GALNT17: variants seen among roughly 807,000 people sequenced by gnomAD.
GALNT17 encodes the protein UDP-GalNAc:polypeptide N-acetylgalactosaminyltransferase-like 3.
GALNT17 carries 29 observed loss-of-function variants against 63.7 expected under a neutral mutation model. That is an observed-to-expected ratio of 0.46 (90% CI 0.34 to 0.62). The LOEUF is 0.62. Among genes scored for constraint, GALNT17 ranks in the 20% least tolerant of loss-of-function variants. GALNT17 has a pLI of 0.01. For synonymous variants in GALNT17, 305 were observed against 318.3 expected, an observed-to-expected ratio of 0.96 and a Z score of 0.45; for missense variants, 603 against 799.6, an observed-to-expected ratio of 0.75 and a Z score of 2.97.
chr7:71,183,570 A>G (rs1796084), intron 1 of GALNT17, among the ~76,000 whole-genome samples: 44 of 151,898 alleles, frequency 2.9e-4, no homozygotes, highest in Non-Finnish European at 6.0e-4. Flanking sequence ...AGAATTCCCC[A>G]TGGAGATCCC....
chr7:71,442,327 G>C (rs1787082622), intron 5 of GALNT17, among the ~76,000 whole-genome samples: 1 of 152,110 alleles, frequency 6.6e-6, no homozygotes, highest in East Asian at 1.9e-4. Flanking sequence ...CTCCTGAGTA[G>C]CTGGGACTAC....
chr7:71,573,775 C>A (rs1285745311), intron 6 of GALNT17, among the ~76,000 whole-genome samples: 2 of 152,076 alleles, frequency 1.3e-5, no homozygotes, highest in Admixed American at 1.3e-4. Flanking sequence ...CAGATTATTA[C>A]CCAGGTAGTA....
rs1210917421 is a variant in GALNT17 at position 71,388,363 on chromosome 7, T to C, written c.551T>C (p.Leu184Pro). ...SAVNHTPTHLLKEIILVDDNS... is the reference protein window; with the variant it reads ...SAVNHTPTHLPKEIILVDDNS... ...GTCAATCACACGCCCACACACCTGC[T>C]GAAGGAAATCATTCTGGTGGATGAC... The change falls in exon 3 of 11, where the codon CTG (leucine) becomes CCG (proline). Residue 184 changes from leucine to proline, a missense_variant. Leu to Pro is a moderately conservative substitution (Grantham distance 98). Around this residue, in one of 3 missense-constraint regions of GALNT17, gnomAD observed 336 missense variants for 507.8 expected, o/e 0.66. Coordinates refer to ENST00000333538, the MANE Select transcript of GALNT17 (RefSeq NM_022479.3). 6.2e-7 allele frequency: 1 copy of C among 1,613,982 alleles called. No individual in the cohort carries two copies. The highest frequency in any genetic ancestry group is 8.5e-7 in the Non-Finnish European group (1 of 1,179,980).
At chr7:71,584,150 A>C (rs1789681116) in intron 6 of GALNT17, among the ~76,000 whole-genome samples, 1 of 152,062 alleles carries the variant, frequency 6.6e-6, no homozygotes, top group Non-Finnish European at 1.5e-5. Context: ...CAAACAAAAA[A>C]GGGCCTCCTT....
In GALNT17 at chr7:71,433,810, A is replaced by G. The variant is rs189473986; in HGVS notation, c.962+12705A>G. On this transcript the variant is annotated intron_variant, in intron 5 of 10. Coordinates refer to ENST00000333538, the MANE Select transcript of GALNT17 (RefSeq NM_022479.3). ...TCAACTTGATTGGATTGAAGGATAC[A>G]AAGTATTGTTTCTGCATGTATTTAT... 4.5e-4 allele frequency among the ~76,000 whole-genome samples: 69 copies of G among 152,320 alleles called. 5 individuals carry two copies. The highest frequency in any genetic ancestry group is 6.8e-3 in the Middle Eastern group (2 of 294).
chr7:71,569,756 A>AT lies in GALNT17; in HGVS notation c.963-1520dup, dbSNP rs35496954. Among the ~76,000 whole-genome samples, 116 of 150,854 alleles carry AT rather than the reference A, an allele frequency of 7.7e-4. 1 individual carries two copies. The highest frequency in any genetic ancestry group is 2.4e-3 in the African/African-American group (100 of 41,070). Reference sequence around the variant, plus strand: ...GTATTCCATGGTGTATATGCACCACATTTTTTTTTAATCCAGTCTACAATT... The same window carrying AT: ...GTATTCCATGGTGTATATGCACCACATTTTTTTTTTAATCCAGTCTACAATT... On this transcript the variant is annotated intron_variant, in intron 5 of 10. Transcript: ENST00000333538.
intron 6 of GALNT17, among the ~76,000 whole-genome samples, chr7:71,593,343 A>G (rs1023975265): frequency 2.3e-5 from 3 of 133,120 alleles, no homozygotes; most frequent in African/African-American, 9.0e-5. Context: ...TCGGCTCATT[A>G]CATCCTCCGC....
intron 1 of GALNT17, among the ~76,000 whole-genome samples, chr7:71,154,725 C>T (rs533769354): frequency 3.9e-5 from 6 of 152,110 alleles, no homozygotes; most frequent in African/African-American, 7.2e-5. Context: ...TACAGGCGCC[C>T]GCCACCATGC....
intron 5 of GALNT17, among the ~76,000 whole-genome samples, chr7:71,449,956 C>T (rs1787228705): frequency 6.6e-6 from 1 of 151,244 alleles, no homozygotes; most frequent in Non-Finnish European, 1.5e-5. Context: ...CAGGAGAAAT[C>T]ACTTGAACCC....
chr7:71,642,672 C>A (rs1790620393), intron 6 of GALNT17, among the ~76,000 whole-genome samples: 1 of 152,044 alleles, frequency 6.6e-6, no homozygotes, highest in African/African-American at 2.4e-5. Flanking sequence ...CCCGTCTCTA[C>A]TAAAAATACA....
At chr7:71,236,954 A>C (rs1474478005) in intron 1 of GALNT17, among the ~76,000 whole-genome samples, 1 of 152,182 alleles carries the variant, frequency 6.6e-6, no homozygotes, top group African/African-American at 2.4e-5. Flanking sequence ...GGAGATGCCT[A>C]AGTTCTTTGT....
At chr7:71,684,468 C>T (rs1053584245) in intron 9 of GALNT17, among the ~76,000 whole-genome samples, 1 of 152,160 alleles carries the variant, frequency 6.6e-6, no homozygotes, top group Non-Finnish European at 1.5e-5. Flanking sequence ...TTGAACAGTG[C>T]GGCATACAAT....
intron 1 of GALNT17, among the ~76,000 whole-genome samples, chr7:71,136,633 C>T (rs62459621): frequency 0.054 from 8,215 of 151,932 alleles, 801 homozygotes; most frequent in East Asian, 0.43. Context: ...TACAGGCACC[C>T]GCCACCATGC....
intron 6 of GALNT17, among the ~76,000 whole-genome samples, chr7:71,587,964 T>C (rs1789743586): frequency 6.6e-6 from 1 of 152,206 alleles, no homozygotes; most frequent in South Asian, 2.1e-4. Flanking sequence ...GAAGTTCCTG[T>C]CCTGTCTTGT....
chr7:71,575,751 G>A (rs536505242), intron 6 of GALNT17, among the ~76,000 whole-genome samples: 112 of 151,940 alleles, frequency 7.4e-4, no homozygotes, highest in Middle Eastern at 3.4e-3. Context: ...TTGAAATTTT[G>A]TGTTACTTTT....
intron 5 of GALNT17, among the ~76,000 whole-genome samples, chr7:71,539,856 A>G (rs947278312): frequency 1.3e-5 from 2 of 150,782 alleles, no homozygotes; most frequent in African/African-American, 4.9e-5. Context: ...TGGAGCTACT[A>G]TGGTAGCACA....
At chr7:71,532,248 G>A (rs142195653) in intron 5 of GALNT17, among the ~76,000 whole-genome samples, 4 of 152,144 alleles carry the variant, frequency 2.6e-5, no homozygotes, top group Non-Finnish European at 4.4e-5. Context: ...CACAACACCC[G>A]CATAGCTCAA....
chr7:71,286,969 A>G (rs1410989316), intron 1 of GALNT17, among the ~76,000 whole-genome samples: 1 of 151,340 alleles, frequency 6.6e-6, no homozygotes, highest in African/African-American at 2.4e-5. Flanking sequence ...GTTTTTGTAT[A>G]TTTTATAGAG....
chr7:71,278,961 A>G (rs1052819815), intron 1 of GALNT17, among the ~76,000 whole-genome samples: 6 of 148,608 alleles, frequency 4.0e-5, no homozygotes, highest in Non-Finnish European at 7.4e-5. Flanking sequence ...GAGTCTCGCT[A>G]TGTCGCCAGG....
Sources: gnomAD v4.1 joint callset for allele counts (sites outside exome capture counted in the v4.1 genomes callset) on GRCh38, gnomAD v4.1.1 for gene constraint, gnomAD v4.1.1 regional missense constraint, MANE v1.5 for transcripts, NCBI Gene and HGNC (gene_info 2026-07-23, HGNC 2026-07-21) for gene names.